Variants in NUDT14 observed in about 807,000 individuals in gnomAD.
NUDT14 encodes uridine diphosphate glucose pyrophosphatase NUDT14.
Under a neutral mutation model 17.5 loss-of-function variants are expected in NUDT14, and 22 were observed. The observed-to-expected ratio is 1.26, with a 90% confidence interval of 0.90 to 1.80. The LOEUF (loss-of-function observed/expected upper bound fraction) is 1.80, where lower values mean the gene tolerates loss of function less well. NUDT14 is among the 40% of genes most tolerant of loss of function. NUDT14 has a pLI of 0.00. For synonymous variants in NUDT14, 129 were observed against 125.8 expected (o/e 1.03, Z -0.17); for missense variants, 296 against 295.6 (o/e 1.00, Z -0.01).
In NUDT14 at chr14:105,181,312, T is replaced by A. The variant is rs1315572554; in HGVS notation, c.-103A>T. The A allele has an allele frequency of 5.1e-6, 2 of 394,248 alleles. No homozygotes were observed. Among genetic ancestry groups the A allele is most frequent in the African/African-American group, 4.8e-5 (2 of 41,588 alleles). The allele number at this position is 394,248 out of a possible 1,614,324, so 24.4% of individuals were successfully genotyped here. On this transcript the variant is annotated 5_prime_UTR_variant, in exon 1 of 5. Transcript: ENST00000392568. This position sits in a 1 kb window ranked among gnomAD's most constrained non-coding sequence, Gnocchi z 5.0. Reference sequence around the variant, plus strand: ...TCGGGCGGGCGCGTGACCGCGGCTCTGAGCATGCTCCGTGGGCGCGCGGGG... The same window carrying A: ...TCGGGCGGGCGCGTGACCGCGGCTCAGAGCATGCTCCGTGGGCGCGCGGGG...
Position 105,181,056 on chromosome 14 carries a change from G to T in NUDT14, c.81+73C>A. Reference sequence around the variant, plus strand: ...CCGGGGCGGGGCCGGCAGCGCGGAAGATGGTGGGCGGGGCGCGGGTCGTGG... The same window carrying T: ...CCGGGGCGGGGCCGGCAGCGCGGAATATGGTGGGCGGGGCGCGGGTCGTGG... On this transcript the variant is annotated intron_variant, in intron 1 of 4. Transcript: ENST00000392568. This position sits in a 1 kb window ranked among gnomAD's most constrained non-coding sequence, Gnocchi z 5.0. The T allele has an allele frequency of 2.4e-6, 1 of 416,458 alleles. No homozygotes were observed. Among genetic ancestry groups the T allele is most frequent in the Non-Finnish European group, 3.3e-6 (1 of 303,842 alleles). 25.8% of individuals were successfully genotyped at this position (416,458 alleles called of 1,614,324 possible).
At chr14:105,178,133 G>A (rs1280604428) in intron 1 of NUDT14, among the ~76,000 whole-genome samples, 1 of 152,008 alleles carries the variant, frequency 6.6e-6, no homozygotes, top group African/African-American at 2.4e-5. Flanking sequence ...GGCCCTGCAG[G>A]CAGAGGAGAG....
At chr14:105,175,679 C>T (rs2003181) in intron 4 of NUDT14, 612,687 of 988,352 alleles carry the variant, frequency 0.62, 190,937 homozygotes, top group African/African-American at 0.77. Context: ...GGATTACAGG[C>T]GTGAGCCACC....
In NUDT14 at chr14:105,173,080, C is replaced by A; in HGVS notation, c.610G>T (p.Val204Phe). 6.4e-7 allele frequency: 1 copy of A among 1,554,266 alleles called. No homozygotes were observed. The change falls in exon 5 of 5, where the codon GTC (valine) becomes TTC (phenylalanine). Residue 204 changes from valine (V) to phenylalanine (F), a missense_variant. Transcript: ENST00000392568. This position sits in a 1 kb window ranked among gnomAD's most constrained non-coding sequence, Gnocchi z 4.7. ...AGGAACCATGAGACACCAAAGATGA[C>A]GCCGAGGGTCTTGGGGATGTCCGGG... ...DDPDIPKTLG[V>F]IFGVSWFLSQ...
intron 4 of NUDT14, among the ~76,000 whole-genome samples, chr14:105,175,271 G>A (rs1450172574): frequency 6.6e-6 from 1 of 152,238 alleles, no homozygotes; most frequent in Non-Finnish European, 1.5e-5. Context: ...CAGTACTATG[G>A]GCTGGGGAGC....
rs1889199743 is a variant in NUDT14 at position 105,175,753 on chromosome 14, TGCCCAGGTGAAGTCCTTGA to T, written c.428+762_428+780del. 2.8e-5 allele frequency: 28 copies of T among 1,006,420 alleles called. 2 individuals carry two copies. The South Asian group carries it at 8.8e-4, about 32-fold the overall frequency. 62.3% of individuals were successfully genotyped at this position (1,006,420 alleles called of 1,614,324 possible). ...GAGTCCACCCATCCAGCCAGGAACGTGCCCAGGTGAAGTCCTTGAGGCTGCTGAGGTGGGAGGGCCCCAG... is the reference window on the plus strand; with the variant it reads ...GAGTCCACCCATCCAGCCAGGAACGTGGCTGCTGAGGTGGGAGGGCCCCAG... On this transcript the variant is annotated intron_variant, in intron 4 of 4. Coordinates refer to ENST00000392568, the MANE Select transcript of NUDT14 (RefSeq NM_177533.5).
Position 105,173,522 on chromosome 14 carries a change from C to A in NUDT14, c.429-261G>T. ...TGTCGATGTGATTAAGGACCCTAACCGGTGACTTGAGCTCATCAGAAGGGA... is the reference window on the plus strand; with the variant it reads ...TGTCGATGTGATTAAGGACCCTAACAGGTGACTTGAGCTCATCAGAAGGGA... On this transcript the variant is annotated intron_variant, in intron 4 of 4. Coordinates refer to ENST00000392568, the MANE Select transcript of NUDT14 (RefSeq NM_177533.5). The surrounding 1 kb of genome is among the most constrained non-coding windows in gnomAD (Gnocchi z 4.7). 2.9e-6 allele frequency: 1 copy of A among 347,658 alleles called. No homozygotes were observed. The highest frequency in any genetic ancestry group is 5.2e-6 in the Non-Finnish European group (1 of 193,092). 21.5% of individuals were successfully genotyped at this position (347,658 alleles called of 1,614,324 possible). A position where few individuals can be genotyped will look rare whatever the true frequency, so the allele number is the denominator to read the frequency against.
chr14:105,176,793 T>C (rs375776107), intron 3 of NUDT14, 22 bp from the exon 4 acceptor site: 2 of 1,606,974 alleles, frequency 1.2e-6, no homozygotes, highest in African/African-American at 2.7e-5. Flanking sequence ...GAAGCCAGAC[T>C]GTGCTCACAG....
rs971033956 is a variant in NUDT14, at chr14:105,172,969, C to T, written c.*52G>A. 24 of 1,449,776 alleles carry T rather than the reference C, an allele frequency of 1.7e-5. No individual in the cohort carries two copies. Among genetic ancestry groups the T allele is most frequent in the South Asian group, 4.7e-5 (3 of 63,316 alleles). 89.8% of individuals were successfully genotyped at this position (1,449,776 alleles called of 1,614,324 possible). ...CTATGCAAGCCTTTATTGGGGTCCGCGGGGTGTGGGGTGAGTGGCCAAGAC... is the reference window on the plus strand; with the variant it reads ...CTATGCAAGCCTTTATTGGGGTCCGTGGGGTGTGGGGTGAGTGGCCAAGAC... On this transcript the variant is annotated 3_prime_UTR_variant, in exon 5 of 5. Coordinates refer to ENST00000392568, the MANE Select transcript of NUDT14 (RefSeq NM_177533.5).
In NUDT14 at chr14:105,173,498, G is replaced by A. The variant is rs892797737; in HGVS notation, c.429-237C>T. ...GTACTCGCCAGGTGGGGTGGGTGTTGTCGATGTGATTAAGGACCCTAACCG... is the reference window on the plus strand; with the variant it reads ...GTACTCGCCAGGTGGGGTGGGTGTTATCGATGTGATTAAGGACCCTAACCG... On this transcript the variant is annotated intron_variant, in intron 4 of 4. Coordinates refer to ENST00000392568, the MANE Select transcript of NUDT14 (RefSeq NM_177533.5). The surrounding 1 kb of genome is among the most constrained non-coding windows in gnomAD (Gnocchi z 4.7). The A allele has an allele frequency of 2.5e-5, 10 of 397,614 alleles. No homozygotes were observed. Among genetic ancestry groups the A allele is most frequent in the African/African-American group, 1.2e-4 (6 of 48,734 alleles). 24.6% of individuals were successfully genotyped at this position (397,614 alleles called of 1,614,324 possible).
At chr14:105,177,573 G>A in intron 2 of NUDT14, 119 bp downstream of exon 2, 1 of 911,024 alleles carries the variant, frequency 1.1e-6, no homozygotes, top group Non-Finnish European at 1.7e-6. Context: ...AGGGACTTTT[G>A]GAGCCCACGC....
intron 3 of NUDT14, 57 bp downstream of exon 3, chr14:105,176,906 A>T: frequency 6.4e-7 from 1 of 1,568,612 alleles, no homozygotes; most frequent in Non-Finnish European, 8.8e-7. Context: ...GACCCTCAGG[A>T]CCACAGGGAC....
intron 4 of NUDT14, chr14:105,175,732 C>G (rs1766085942): frequency 2.0e-6 from 2 of 1,002,082 alleles, no homozygotes; most frequent in Non-Finnish European, 2.4e-6. Context: ...ACTTGGGAGT[C>G]CACCCATCCA....
At chr14:105,175,810 G>A in intron 4 of NUDT14, 1 of 1,037,226 alleles carries the variant, frequency 9.6e-7, no homozygotes, top group East Asian at 1.0e-4. Context: ...TCAACCCTGA[G>A]TGGCCCATGT....
In NUDT14 at chr14:105,181,109, A is replaced by C; in HGVS notation, c.81+20T>G. ...CGGGCCGCCGGCGGGGGCGCGGGGG[A>C]CGCGGGGGCGCGGGCTCACCTGGCG... On this transcript the variant is annotated intron_variant, in intron 1 of 4. Transcript: ENST00000392568. This position sits in a 1 kb window ranked among gnomAD's most constrained non-coding sequence, Gnocchi z 5.0. 1 of 927,378 alleles carries C rather than the reference A, an allele frequency of 1.1e-6. No individual in the cohort carries two copies. The highest frequency in any genetic ancestry group is 1.3e-6 in the Non-Finnish European group (1 of 764,130). The allele number at this position is 927,378 out of a possible 1,614,324, so 57.4% of individuals were successfully genotyped here. A position where few individuals can be genotyped will look rare whatever the true frequency, so the allele number is the denominator to read the frequency against.
intron 4 of NUDT14, among the ~76,000 whole-genome samples, chr14:105,174,121 G>GT (rs1484567672): frequency 1.3e-5 from 2 of 152,066 alleles, no homozygotes; most frequent in Non-Finnish European, 2.9e-5. Context: ...ACCAGGCCCA[G>GT]TGGCCCAGGC....
chr14:105,177,315 A>T (rs10139450), intron 2 of NUDT14: 4 of 587,812 alleles, frequency 6.8e-6, no homozygotes, highest in African/African-American at 3.7e-5. Context: ...CTCGCAGCTG[A>T]GGCCGGGTGA....
chr14:105,175,623 C>G (rs1374219418), intron 4 of NUDT14: 11 of 703,624 alleles, frequency 1.6e-5, no homozygotes, highest in Non-Finnish European at 1.9e-5. Context: ...TGGTCTCGAA[C>G]TCCTGACCTC....
At position 105,174,640 on chromosome 14, in the gene NUDT14, C is replaced by G. The variant is rs587644132; in HGVS notation, c.429-1379G>C. The stretch of plus-strand genomic sequence containing the variant: ...CTGATGGCCCATTTCCGGCGGCGGC[C>G]GCGGCTGCGCCTCTGAGGGAAGTGG... On this transcript the variant is annotated intron_variant, in intron 4 of 4. Coordinates refer to ENST00000392568, the MANE Select transcript of NUDT14 (RefSeq NM_177533.5). 3.1e-3 allele frequency among the ~76,000 whole-genome samples: 474 copies of G among 152,254 alleles called. 2 individuals carry two copies. The highest frequency in any genetic ancestry group is 5.8e-3 in the Admixed American group (88 of 15,290).
Sources: allele counts gnomAD v4.1 joint callset (sites outside exome capture counted in the v4.1 genomes callset), GRCh38; gene constraint gnomAD v4.1.1; non-coding constraint Gnocchi (gnomAD v3.1); transcripts MANE v1.5; gene names NCBI Gene and HGNC (gene_info 2026-07-23, HGNC 2026-07-21).